PRKN: variants seen among roughly 807,000 people sequenced by gnomAD.
The protein encoded by PRKN is E3 ubiquitin-protein ligase parkin.
Under a neutral mutation model 59.5 loss-of-function variants are expected in PRKN, and 56 were observed. That is an observed-to-expected ratio of 0.94 (90% confidence interval 0.76 to 1.18). The LOEUF (loss-of-function observed/expected upper bound fraction) is 1.18. PRKN is among the 50% of genes most tolerant of loss of function. PRKN has a pLI of 0.00. For missense variants in PRKN, 657 were observed against 596.4 expected, an observed-to-expected ratio of 1.10 and a Z score of -1.06; for synonymous variants, 250 against 222.1, an observed-to-expected ratio of 1.13 and a Z score of -1.12.
rs1791023031 is a variant in PRKN at position 161,475,517 on chromosome 6, T to C, written c.1083+73337A>G. 6.6e-6 allele frequency among the ~76,000 whole-genome samples: 1 copy of C among 152,204 alleles called. No individual in the cohort carries two copies. Among genetic ancestry groups the C allele is most frequent in the Non-Finnish European group, 1.5e-5 (1 of 68,042 alleles). ...GACTTGTTATTTTTATTTACATATA[T>C]TTTTGAGACGAGGTCTCGCTCTGTG... On this transcript the variant is annotated intron_variant, in intron 9 of 11. Coordinates refer to ENST00000366898, the MANE Select transcript of PRKN (RefSeq NM_004562.3). This position sits in a 1 kb window ranked among gnomAD's most constrained non-coding sequence, Gnocchi z 5.3.
chr6:162,440,314 AC>A (rs1789993441), intron 2 of PRKN, among the ~76,000 whole-genome samples: 1 of 152,130 alleles, frequency 6.6e-6, no homozygotes. Context: ...TCTTACAAAT[AC>A]CCTTTGCCAG....
intron 7 of PRKN, among the ~76,000 whole-genome samples, chr6:161,603,519 A>G (rs1375334405): frequency 6.6e-6 from 1 of 152,166 alleles, no homozygotes; most frequent in Non-Finnish European, 1.5e-5. Context: ...TGCGCACATA[A>G]GCTGTTTAAA....
At chr6:161,986,521 T>G (rs534506652) in intron 5 of PRKN, among the ~76,000 whole-genome samples, 1 of 151,820 alleles carries the variant, frequency 6.6e-6, no homozygotes, top group South Asian at 2.1e-4. Flanking sequence ...GACTTTGATA[T>G]TCCATCTTTT....
intron 1 of PRKN, among the ~76,000 whole-genome samples, chr6:162,534,356 C>G (rs1778633401): frequency 6.6e-6 from 1 of 152,132 alleles, no homozygotes; most frequent in South Asian, 2.1e-4. Context: ...TGCCATGACC[C>G]TTTCATGATT....
chr6:161,911,181 A>G (rs558963830), intron 6 of PRKN, among the ~76,000 whole-genome samples: 3 of 152,174 alleles, frequency 2.0e-5, no homozygotes, highest in Non-Finnish European at 4.4e-5. Context: ...AAGCCAAGAC[A>G]TGCCCACTGT....
chr6:161,865,820 G>A (rs900039088), intron 6 of PRKN, among the ~76,000 whole-genome samples: 5 of 152,118 alleles, frequency 3.3e-5, no homozygotes, highest in Admixed American at 6.5e-5. Context: ...TAACATTCAC[G>A]TGTTCACTGG....
At chr6:162,180,012 G>A (rs1440754228) in intron 4 of PRKN, among the ~76,000 whole-genome samples, 1 of 148,416 alleles carries the variant, frequency 6.7e-6, no homozygotes, top group African/African-American at 2.5e-5. Context: ...GTGTGTATGT[G>A]TGTAGCAAAG....
At chr6:161,609,457 C>A (rs972351930) in intron 7 of PRKN, among the ~76,000 whole-genome samples, 1 of 151,724 alleles carries the variant, frequency 6.6e-6, no homozygotes, top group African/African-American at 2.4e-5. Flanking sequence ...GGTGAAACTA[C>A]AAAAGAATGA....
At chr6:161,585,213 G>C (rs1781478308) in intron 7 of PRKN, among the ~76,000 whole-genome samples, 1 of 152,188 alleles carries the variant, frequency 6.6e-6, no homozygotes, top group African/African-American at 2.4e-5. Flanking sequence ...CTTACTGACA[G>C]CTCAGAGAAA....
rs543932968 is a variant in PRKN at position 162,242,367 on chromosome 6, GA to G, written c.412+20157del. 3.5e-4 allele frequency among the ~76,000 whole-genome samples: 54 copies of G among 152,206 alleles called. 1 individual carries two copies. In the South Asian group the frequency reaches 8.9e-3, roughly 25 times the overall value. Reference sequence around the variant, plus strand: ...GCAGAAAATGCAGGCCAGAAACTGAGAAAGTTGCTCAGTTCATACAGAAAGC... The same window carrying G: ...GCAGAAAATGCAGGCCAGAAACTGAGAAGTTGCTCAGTTCATACAGAAAGC... On this transcript the variant is annotated intron_variant, in intron 3 of 11. Transcript: ENST00000366898.
chr6:162,157,533 G>A lies in PRKN; in HGVS notation c.534+43598C>T, dbSNP rs1367890500. On this transcript the variant is annotated intron_variant, in intron 4 of 11. Transcript: ENST00000366898. ...TACTGACAAAAATGCAACTGGTACT[G>A]CAAGACCAGAGCTTAGAAAATGCTT... Among the ~76,000 whole-genome samples the A allele has an allele frequency of 3.3e-5, 5 of 152,238 alleles. No homozygotes were observed. The East Asian group carries it at 5.8e-4, about 18-fold the overall frequency.
chr6:161,387,523 A>C (rs139229038), intron 9 of PRKN, among the ~76,000 whole-genome samples: 4 of 152,372 alleles, frequency 2.6e-5, no homozygotes, highest in African/African-American at 9.6e-5. Context: ...GAACAGACTA[A>C]TACACACAGT....
chr6:161,403,708 G>A (rs1331998124), intron 9 of PRKN, among the ~76,000 whole-genome samples: 1 of 152,174 alleles, frequency 6.6e-6, no homozygotes, highest in African/African-American at 2.4e-5. Flanking sequence ...GCTATGGTTT[G>A]AATGCTTGGC....
chr6:162,070,136 G>A (rs1778513572), intron 4 of PRKN, among the ~76,000 whole-genome samples: 1 of 152,184 alleles, frequency 6.6e-6, no homozygotes, highest in Non-Finnish European at 1.5e-5. Context: ...TTGATAATTT[G>A]TTCATGTGTA....
chr6:162,097,460 G>T (rs963765175), intron 4 of PRKN, among the ~76,000 whole-genome samples: 1 of 152,152 alleles, frequency 6.6e-6, no homozygotes, highest in East Asian at 1.9e-4. Flanking sequence ...TACATACACA[G>T]CAAGTGGTGG....
At chr6:162,721,684 C>T (rs1778947202) in intron 1 of PRKN, among the ~76,000 whole-genome samples, 1 of 152,174 alleles carries the variant, frequency 6.6e-6, no homozygotes, top group Non-Finnish European at 1.5e-5. Flanking sequence ...ATGATACCCA[C>T]CTTTCAGGTT....
intron 2 of PRKN, among the ~76,000 whole-genome samples, chr6:162,316,741 A>G (rs1782768700): frequency 1.3e-5 from 2 of 152,084 alleles, no homozygotes. Flanking sequence ...AAGAGTTACA[A>G]AGAGAGTGCA....
intron 1 of PRKN, among the ~76,000 whole-genome samples, chr6:162,536,434 A>G (rs556792511): frequency 6.6e-6 from 1 of 152,278 alleles, no homozygotes; most frequent in East Asian, 1.9e-4. Flanking sequence ...GTGTCATTTT[A>G]GCTCTGAGTT....
chr6:161,441,645 T>C (rs1399671070), intron 9 of PRKN, among the ~76,000 whole-genome samples: 6 of 117,764 alleles, frequency 5.1e-5, no homozygotes, highest in African/African-American at 2.3e-4. Context: ...ACTCTGTCTC[T>C]TAAAAAAAAA....
Sources: gnomAD v4.1 joint callset for allele counts (sites outside exome capture counted in the v4.1 genomes callset) on GRCh38, gnomAD v4.1.1 for gene constraint, Gnocchi (gnomAD v3.1) non-coding constraint, MANE v1.5 for transcripts, NCBI Gene and HGNC (gene_info 2026-07-23, HGNC 2026-07-21) for gene names.